Variants in XPO7 observed in about 807,000 individuals in gnomAD.
XPO7 encodes the protein exportin 7.
In XPO7, 21 loss-of-function variants were observed where a neutral mutation model predicts 144.3. That is an observed-to-expected ratio of 0.15 (90% confidence interval 0.10 to 0.21). The LOEUF (loss-of-function observed/expected upper bound fraction) is 0.21, where lower values mean the gene tolerates loss of function less well. Ranked by LOEUF, XPO7 falls within the 10% of genes least tolerant of loss-of-function variation. XPO7 has a pLI of 1.00. For synonymous variants in XPO7, 580 were observed against 499.6 expected (o/e 1.16, Z -2.15); for missense variants, 808 against 1,325.8 (o/e 0.61, Z 6.06).
chr8:21,980,274 T>A, intron 9 of XPO7, 71 bp downstream of exon 9: 1 of 1,491,166 alleles, frequency 6.7e-7, no homozygotes, highest in Middle Eastern at 1.8e-4. Context: ...CAGAAGGAAA[T>A]CCATCCCAAG....
At chr8:21,966,783 T>C (rs1563324821) in intron 1 of XPO7, 74 bp from the exon 2 acceptor site, 3 of 1,519,536 alleles carry the variant, frequency 2.0e-6, no homozygotes, top group Non-Finnish European at 1.8e-6. Context: ...TTATCTTTGT[T>C]TATTAATTTT....
intron 1 of XPO7, among the ~76,000 whole-genome samples, chr8:21,953,307 C>G (rs1437189261): frequency 2.0e-5 from 3 of 152,174 alleles, no homozygotes; most frequent in African/African-American, 7.2e-5. Context: ...GCAACCACTG[C>G]TCTTTCTGCT....
In XPO7 at chr8:21,924,520, A is replaced by G. The variant is rs568474201; in HGVS notation, c.18+4732A>G. ...CTGCTTTTAGAACTCAAGCTGAGTA[A>G]CCTGAGAGTTTTAGCTTCAAAGCCA... On this transcript the variant is annotated intron_variant, in intron 1 of 27. Transcript: ENST00000252512. Among the ~76,000 whole-genome samples the G allele has an allele frequency of 6.1e-4, 93 of 152,056 alleles. 1 individual carries two copies. Among genetic ancestry groups the G allele is most frequent in the Non-Finnish European group, 2.2e-4 (15 of 68,030 alleles).
chr8:21,965,921 G>C (rs954884036), intron 1 of XPO7, among the ~76,000 whole-genome samples: 22 of 152,094 alleles, frequency 1.4e-4, no homozygotes, highest in African/African-American at 5.1e-4. Flanking sequence ...GTGAAAATAG[G>C]CTCCAATTTT....
In XPO7 at chr8:22,005,563, T is replaced by C. The variant is rs1813301503; in HGVS notation, c.*475T>C. On this transcript the variant is annotated 3_prime_UTR_variant, in exon 28 of 28. Coordinates refer to ENST00000252512, the MANE Select transcript of XPO7 (RefSeq NM_015024.5). ...ATGCGAGTGAAGAAAATGTGTATTC[T>C]GGTGGCCTGAAGCTTTACTGGACAA... 1 of 152,752 alleles carries C rather than the reference T, an allele frequency of 6.5e-6. No homozygotes were observed. Among genetic ancestry groups the C allele is most frequent in the Non-Finnish European group, 1.5e-5 (1 of 68,172 alleles). The allele number at this position is 152,752 out of a possible 1,614,324, so 9.5% of individuals were successfully genotyped here.
At chr8:21,968,987 C>T (rs888605276) in intron 2 of XPO7, among the ~76,000 whole-genome samples, 2 of 152,172 alleles carry the variant, frequency 1.3e-5, no homozygotes, top group Admixed American at 6.5e-5. Flanking sequence ...TTGATAGCTG[C>T]GCTGATGGAA....
chr8:21,984,685 CCAG>C lies in XPO7; in HGVS notation c.1324_1326del (p.Gln442del). 1.2e-6 allele frequency: 2 copies of C among 1,613,736 alleles called. No homozygotes were observed. The highest frequency in any genetic ancestry group is 1.7e-6 in the Non-Finnish European group (2 of 1,179,814). ...ATCCCCTGGAGGATACGGGGCTGGT[CCAG>C]CAGCAGTTGGACCAGCTGTCCACCA... On this transcript the variant is annotated inframe_deletion, in exon 12 of 28. Coordinates refer to ENST00000252512, the MANE Select transcript of XPO7 (RefSeq NM_015024.5).
chr8:22,005,058 T>C lies in XPO7; in HGVS notation c.3234T>C (p.Tyr1078=), dbSNP rs568304449. The C allele has an allele frequency of 3.5e-5, 57 of 1,613,090 alleles. No homozygotes were observed. Among genetic ancestry groups the C allele is most frequent in the African/African-American group, 3.5e-4 (26 of 74,924 alleles). ...ACGACTCAATGAAGAATTCCACTTA[T>C]GGCGTGAATAGCAATGACATGATGA... is the stretch of plus-strand genomic sequence containing the variant. The part of the protein sequence containing the change: ...EVNDSMKNST[Y]GVNSNDMMS Residue 1078 remains tyrosine, a synonymous_variant, in exon 28 of 28, where the codon TAT becomes TAC. Transcript: ENST00000252512.
intron 27 of XPO7, among the ~76,000 whole-genome samples, chr8:22,004,359 C>T (rs182430408): frequency 4.7e-4 from 72 of 152,184 alleles, no homozygotes; most frequent in African/African-American, 1.7e-3. Context: ...ATCAGAAATA[C>T]TTGATCTGTA....
intron 9 of XPO7, among the ~76,000 whole-genome samples, chr8:21,980,856 A>C (rs894864818): frequency 6.6e-6 from 1 of 152,008 alleles, no homozygotes; most frequent in Non-Finnish European, 1.5e-5. Flanking sequence ...CTAAGTATAT[A>C]GGGCTGCTTT....
chr8:21,935,997 C>T (rs1333317696), intron 1 of XPO7, among the ~76,000 whole-genome samples: 1 of 152,122 alleles, frequency 6.6e-6, no homozygotes, highest in African/African-American at 2.4e-5. Flanking sequence ...CCTTGTAGAA[C>T]CCTTTTTTGC....
intron 1 of XPO7, among the ~76,000 whole-genome samples, chr8:21,946,224 C>A (rs7846485): frequency 0.21 from 32,133 of 152,036 alleles, 4,921 homozygotes; most frequent in African/African-American, 0.44. Context: ...CGGATACTGA[C>A]TTCAGATACT....
chr8:21,995,060 AAAT>A (rs1462755669), intron 20 of XPO7, among the ~76,000 whole-genome samples: 1 of 141,566 alleles, frequency 7.1e-6, no homozygotes, highest in South Asian at 2.3e-4. Flanking sequence ...TCTCAAAAAA[AAAT>A]AAATAATAAT....
At chr8:21,950,918 T>C (rs1811348520) in intron 1 of XPO7, among the ~76,000 whole-genome samples, 1 of 151,778 alleles carries the variant, frequency 6.6e-6, no homozygotes, top group African/African-American at 2.4e-5. Flanking sequence ...GGCCAGGAGT[T>C]TGAGACCAGC....
chr8:21,952,500 C>T (rs1237721091), intron 1 of XPO7, among the ~76,000 whole-genome samples: 10 of 152,202 alleles, frequency 6.6e-5, no homozygotes, highest in Admixed American at 5.9e-4. Flanking sequence ...TCTGTAGAGA[C>T]ATATGTTTGG....
intron 1 of XPO7, among the ~76,000 whole-genome samples, chr8:21,927,538 CTTTTTTT>C (rs576510771): frequency 5.0e-5 from 6 of 120,546 alleles, no homozygotes; most frequent in African/African-American, 1.8e-4. Flanking sequence ...AAAAACCAAC[CTTTTTTT>C]TTTTTTTTTT....
intron 4 of XPO7, 35 bp downstream of exon 4, chr8:21,970,345 A>G (rs1812014788): frequency 6.3e-7 from 1 of 1,591,892 alleles, no homozygotes; most frequent in Non-Finnish European, 8.6e-7. Context: ...TGGGAATGGG[A>G]GAACCAGCAT....
intron 1 of XPO7, among the ~76,000 whole-genome samples, chr8:21,924,347 A>T (rs1209728402): frequency 6.6e-6 from 1 of 152,138 alleles, no homozygotes; most frequent in Non-Finnish European, 1.5e-5. Context: ...GAATTTTCAC[A>T]AAGTGAATAC....
chr8:21,919,948 C>A (rs1460143747), intron 1 of XPO7, among the ~76,000 whole-genome samples, 160 bp downstream of exon 1: 1 of 151,694 alleles, frequency 6.6e-6, no homozygotes, highest in Non-Finnish European at 1.5e-5. Context: ...AGCCCCGGGG[C>A]CTTTCCCGCC....
Sources: gnomAD v4.1 joint callset for allele counts (sites outside exome capture counted in the v4.1 genomes callset) on GRCh38, gnomAD v4.1.1 for gene constraint, MANE v1.5 for transcripts, NCBI Gene and HGNC (gene_info 2026-07-23, HGNC 2026-07-21) for gene names.